The following CHST11 variants were observed in gnomAD, a reference collection of about 807,000 sequenced individuals.
CHST11 encodes C4S-1.
CHST11 carries 9 observed loss-of-function variants against 30.4 expected under a neutral mutation model. The observed-to-expected ratio is 0.30, with a 90% confidence interval of 0.18 to 0.52. The LOEUF is 0.52. Ranked by LOEUF, CHST11 falls within the 20% of genes least tolerant of loss-of-function variation. The pLI, the probability that CHST11 is intolerant of heterozygous loss-of-function variation, is 0.97. For synonymous variants in CHST11, 152 were observed against 187.8 expected (o/e 0.81, Z 1.56); for missense variants, 348 against 460.6 (o/e 0.76, Z 2.24).
chr12:104,508,247 T>C (rs1395337277), intron 1 of CHST11, among the ~76,000 whole-genome samples: 4 of 152,198 alleles, frequency 2.6e-5, no homozygotes, highest in Non-Finnish European at 5.9e-5. Flanking sequence ...GGGGTCAGAC[T>C]GTTTGGGTTT....
intron 2 of CHST11, among the ~76,000 whole-genome samples, chr12:104,695,584 G>A (rs1338711486): frequency 6.6e-6 from 1 of 152,312 alleles, no homozygotes; most frequent in Middle Eastern, 3.4e-3. Flanking sequence ...TGCAAGCGGG[G>A]AGCTTCCAGA....
intron 2 of CHST11, among the ~76,000 whole-genome samples, chr12:104,634,535 G>A (rs1035779409): frequency 2.0e-5 from 3 of 152,148 alleles, no homozygotes; most frequent in Non-Finnish European, 2.9e-5. Flanking sequence ...GACACGTCTC[G>A]CACCATTTCC....
At chr12:104,493,607 AG>A (rs546171468) in intron 1 of CHST11, among the ~76,000 whole-genome samples, 66 of 152,312 alleles carry the variant, frequency 4.3e-4, no homozygotes, top group African/African-American at 1.5e-3. Context: ...GAAGGCCTGA[AG>A]GCGTTCCATC....
chr12:104,745,166 G>A (rs946574416), intron 2 of CHST11, among the ~76,000 whole-genome samples: 13 of 152,230 alleles, frequency 8.5e-5, no homozygotes, highest in South Asian at 2.1e-4. Flanking sequence ...AAGCCACCAC[G>A]CCCGGCCCCT....
chr12:104,747,697 AC>A (rs1404213051), intron 2 of CHST11, among the ~76,000 whole-genome samples: 1 of 152,146 alleles, frequency 6.6e-6, no homozygotes, highest in Non-Finnish European at 1.5e-5. Context: ...CTGAGGCTAG[AC>A]CCAAGCTAAC....
intron 2 of CHST11, among the ~76,000 whole-genome samples, chr12:104,640,848 C>T (rs960682512): frequency 2.0e-5 from 3 of 152,136 alleles, no homozygotes; most frequent in African/African-American, 7.2e-5. Flanking sequence ...TGGTCCCCAG[C>T]GAGGTCCCTA....
At chr12:104,544,778 C>CCCCCCCCCCCCA (rs1185183225) in intron 1 of CHST11, among the ~76,000 whole-genome samples, 1 of 104,018 alleles carries the variant, frequency 9.6e-6, no homozygotes, top group East Asian at 6.9e-4. Flanking sequence ...GTCCCCCCAC[C>CCCCCCCCCCCCA]CCGGAGATAA....
chr12:104,514,096 G>T lies in CHST11; in HGVS notation c.118+56567G>T, dbSNP rs150201933. 1.8e-5 allele frequency: 22 copies of T among 1,209,120 alleles called. No homozygotes were observed. The African/African-American group carries it at 3.3e-4, about 18-fold the overall frequency. The allele number at this position is 1,209,120 out of a possible 1,614,324, so 74.9% of individuals were successfully genotyped here. On this transcript the variant is annotated intron_variant, in intron 1 of 2. Coordinates refer to ENST00000303694, the MANE Select transcript of CHST11 (RefSeq NM_018413.6). The stretch of plus-strand genomic sequence containing the variant: ...TACTGTGGTACCAGGGGTCTAATCA[G>T]GCCTGTGTCTGCCTCCTTCTTGAAT...
intron 1 of CHST11, among the ~76,000 whole-genome samples, chr12:104,488,740 C>CGTGT (rs56383997): frequency 0.05 from 7,357 of 145,700 alleles, 316 homozygotes; most frequent in African/African-American, 0.12. Flanking sequence ...TATGTGTACG[C>CGTGT]GTGTGTGTGT....
chr12:104,669,684 TGC>T (rs1463809469), intron 2 of CHST11, among the ~76,000 whole-genome samples: 1 of 152,224 alleles, frequency 6.6e-6, no homozygotes. Context: ...AAGGTCAAGC[TGC>T]GCCCTGCAAA....
intron 2 of CHST11, among the ~76,000 whole-genome samples, chr12:104,738,165 C>A (rs1306701428): frequency 2.0e-5 from 3 of 152,148 alleles, no homozygotes; most frequent in Admixed American, 6.5e-5. Context: ...CCTTCCCAGA[C>A]CCCGCGGGCT....
chr12:104,489,303 C>T (rs2037722396), intron 1 of CHST11, among the ~76,000 whole-genome samples: 1 of 152,158 alleles, frequency 6.6e-6, no homozygotes, highest in African/African-American at 2.4e-5. Flanking sequence ...TCCCCAAGTG[C>T]TGGGATTACA....
intron 1 of CHST11, among the ~76,000 whole-genome samples, chr12:104,547,559 G>A (rs1377536317): frequency 6.6e-6 from 1 of 152,146 alleles, no homozygotes; most frequent in Non-Finnish European, 1.5e-5. Flanking sequence ...TAAGTGGTGA[G>A]TACCTGCAAA....
chr12:104,466,195 A>G (rs2037455831), intron 1 of CHST11, among the ~76,000 whole-genome samples: 4 of 152,148 alleles, frequency 2.6e-5, no homozygotes, highest in South Asian at 4.1e-4. Context: ...GATATTTACT[A>G]GAGGGAATTT....
At chr12:104,524,045 T>C (rs1367823213) in intron 1 of CHST11, among the ~76,000 whole-genome samples, 5 of 148,458 alleles carry the variant, frequency 3.4e-5, no homozygotes, top group East Asian at 1.9e-4. Context: ...CTTTCTTTTT[T>C]TTTTTTTTTT....
At chr12:104,707,365 G>C (rs1184983176) in intron 2 of CHST11, among the ~76,000 whole-genome samples, 1 of 152,188 alleles carries the variant, frequency 6.6e-6, no homozygotes, top group African/African-American at 2.4e-5. Context: ...TATCACTTTA[G>C]TGACTCATAG....
At chr12:104,741,696 A>G (rs1452775782) in intron 2 of CHST11, among the ~76,000 whole-genome samples, 2 of 152,200 alleles carry the variant, frequency 1.3e-5, no homozygotes, top group African/African-American at 4.8e-5. Flanking sequence ...GCCATGAGCC[A>G]GGCATTTTGC....
At chr12:104,669,906 C>T (rs992749657) in intron 2 of CHST11, among the ~76,000 whole-genome samples, 6 of 152,248 alleles carry the variant, frequency 3.9e-5, no homozygotes, top group African/African-American at 1.2e-4. Flanking sequence ...ATAGCCAATC[C>T]CTCAAAAGGT....
At chr12:104,615,322 G>A (rs983200150) in intron 2 of CHST11, among the ~76,000 whole-genome samples, 4 of 152,218 alleles carry the variant, frequency 2.6e-5, no homozygotes, top group African/African-American at 7.2e-5. Context: ...TCTCCAGCAT[G>A]TTTCTCACGG....
Sources: gnomAD v4.1 joint callset for allele counts (sites outside exome capture counted in the v4.1 genomes callset) on GRCh38, gnomAD v4.1.1 for gene constraint, MANE v1.5 for transcripts, NCBI Gene and HGNC (gene_info 2026-07-23, HGNC 2026-07-21) for gene names.